Variants in ZMYM4 observed in about 807,000 individuals in gnomAD.
ZMYM4 encodes the protein zinc finger MYM-type protein 4.
In ZMYM4, 31 loss-of-function variants were observed where a neutral mutation model predicts 183.2. That is an observed-to-expected ratio of 0.17 (90% CI 0.13 to 0.23). The LOEUF (loss-of-function observed/expected upper bound fraction) is 0.23, where lower values mean the gene tolerates loss of function less well. ZMYM4 is among the 10% of genes least tolerant of loss of function. The pLI is 1.00. For missense variants in ZMYM4, 1,273 were observed against 1,840.3 expected (o/e 0.69, Z 5.64); for synonymous variants, 592 against 631.2 (o/e 0.94, Z 0.93).
chr1:35,380,704 G>A (rs1644437852), intron 7 of ZMYM4, among the ~76,000 whole-genome samples: 1 of 152,230 alleles, frequency 6.6e-6, no homozygotes, highest in South Asian at 2.1e-4. Context: ...GTGGGATTAG[G>A]GTTGGAGTGG....
At chr1:35,361,548 T>G in intron 4 of ZMYM4, 71 bp from the exon 5 acceptor site, 1 of 1,507,976 alleles carries the variant, frequency 6.6e-7, no homozygotes, top group Non-Finnish European at 9.0e-7. Context: ...GAGCTTTTCT[T>G]TGGGTGTTAA....
chr1:35,316,071 T>G (rs551262371), intron 1 of ZMYM4, among the ~76,000 whole-genome samples: 30 of 152,368 alleles, frequency 2.0e-4, no homozygotes, highest in Admixed American at 1.8e-3. Flanking sequence ...GTTTTTAGTT[T>G]ATGCCTAGCT....
At chr1:35,322,677 A>G (rs992725431) in intron 1 of ZMYM4, among the ~76,000 whole-genome samples, 2 of 152,064 alleles carry the variant, frequency 1.3e-5, no homozygotes, top group African/African-American at 4.8e-5. Flanking sequence ...GCATGTATAG[A>G]CAACTTTTTT....
chr1:35,315,581 A>C (rs1642008222), intron 1 of ZMYM4, among the ~76,000 whole-genome samples: 1 of 152,190 alleles, frequency 6.6e-6, no homozygotes, highest in African/African-American at 2.4e-5. Context: ...ACTTTACATA[A>C]ATTTTGAAAT....
At chr1:35,291,548 CAAGAACCAGCTTTTTCTTTCTTT>C (rs1438442236) in intron 1 of ZMYM4, among the ~76,000 whole-genome samples, 1 of 151,798 alleles carries the variant, frequency 6.6e-6, no homozygotes, top group Non-Finnish European at 1.5e-5. Context: ...GCTCTTCCTT[CAAGAACCAGCTTTTTCTTTCTTT>C]TCCCTTTTGT....
rs1643880738 is a variant in ZMYM4 at position 35,358,699 on chromosome 1, C to G, written c.86-226C>G. On this transcript the variant is annotated intron_variant, in intron 2 of 29. Coordinates refer to ENST00000314607, the MANE Select transcript of ZMYM4 (RefSeq NM_005095.3). ...TCTTTTCTCTATATCACGTAGCTTT[C>G]TTTTCTAACCTAAAGTAGTTTCTCA... is the stretch of plus-strand genomic sequence containing the variant. The G allele has an allele frequency of 1.6e-5, 7 of 440,378 alleles. No individual in the cohort carries two copies. The Admixed American group carries it at 2.4e-4, about 15-fold the overall frequency. 27.3% of individuals were successfully genotyped at this position (440,378 alleles called of 1,614,324 possible). A position where few individuals can be genotyped will look rare whatever the true frequency, so the allele number is the denominator to read the frequency against.
At chr1:35,386,934 G>A (rs774601260) in intron 11 of ZMYM4, 69 bp from the exon 12 acceptor site, 1 of 1,507,498 alleles carries the variant, frequency 6.6e-7, no homozygotes. Flanking sequence ...CTTGGCATAT[G>A]TAGGCACACA....
At chr1:35,315,911 G>T (rs961958896) in intron 1 of ZMYM4, among the ~76,000 whole-genome samples, 1 of 152,136 alleles carries the variant, frequency 6.6e-6, no homozygotes, top group Non-Finnish European at 1.5e-5. Context: ...GGGTGACAGA[G>T]TGAGTCCCTG....
intron 7 of ZMYM4, among the ~76,000 whole-genome samples, chr1:35,375,080 T>C (rs1290374166): frequency 6.6e-6 from 1 of 152,198 alleles, no homozygotes; most frequent in African/African-American, 2.4e-5. Context: ...TTTTTATTCG[T>C]TCACCCCTTT....
At position 35,347,150 on chromosome 1, in the gene ZMYM4, C is replaced by T. The variant is rs147984836; in HGVS notation, c.86-11775C>T. Among the ~76,000 whole-genome samples the T allele has an allele frequency of 2.5e-3, 375 of 152,210 alleles. 1 individual carries two copies. Among genetic ancestry groups the T allele is most frequent in the Non-Finnish European group, 4.4e-3 (297 of 68,008 alleles). On this transcript the variant is annotated intron_variant, in intron 2 of 29. Coordinates refer to ENST00000314607, the MANE Select transcript of ZMYM4 (RefSeq NM_005095.3). Reference sequence around the variant, plus strand: ...CCTCCTGAGTAGCTGGGATTACAGGCGCACGCCACCACACCTGGCTAATTA... The same window carrying T: ...CCTCCTGAGTAGCTGGGATTACAGGTGCACGCCACCACACCTGGCTAATTA...
Position 35,359,908 on chromosome 1 carries a change from A to T in ZMYM4, c.607+462A>T, listed in dbSNP as rs1375482963. 2.3e-5 allele frequency among the ~76,000 whole-genome samples: 3 copies of T among 128,848 alleles called. No homozygotes were observed. The Admixed American group carries it at 3.3e-4, about 14-fold the overall frequency. 84.5% of individuals were successfully genotyped at this position (128,848 alleles called of 152,430 possible). A position where few individuals can be genotyped will look rare whatever the true frequency, so the allele number is the denominator to read the frequency against. On this transcript the variant is annotated intron_variant, in intron 3 of 29. Transcript: ENST00000314607. ...TCTGAAAGGGAGTTTTTTTTTAATA[A>T]AAAAAACCCAAACATTTCTAATTTA...
intron 28 of ZMYM4, among the ~76,000 whole-genome samples, chr1:35,416,829 G>T (rs1046664317): frequency 6.6e-6 from 1 of 152,162 alleles, no homozygotes; most frequent in African/African-American, 2.4e-5. Context: ...CTCTCAAAGT[G>T]CTGGGATTAC....
At chr1:35,355,786 A>C in intron 2 of ZMYM4, among the ~76,000 whole-genome samples, 1 of 152,294 alleles carries the variant, frequency 6.6e-6, no homozygotes, top group South Asian at 2.1e-4. Context: ...TTACTAAAAT[A>C]ATTCTTCCGT....
intron 7 of ZMYM4, among the ~76,000 whole-genome samples, chr1:35,374,843 T>C (rs1354029874): frequency 2.0e-5 from 3 of 152,208 alleles, no homozygotes; most frequent in Admixed American, 6.5e-5. Flanking sequence ...ATCATGTTTC[T>C]TTGGCCTCCA....
chr1:35,363,577 A>C (rs1186280144), intron 5 of ZMYM4, among the ~76,000 whole-genome samples: 2 of 152,206 alleles, frequency 1.3e-5, no homozygotes, highest in African/African-American at 4.8e-5. Flanking sequence ...AGTTAGCATG[A>C]ATTCCATGAC....
Position 35,282,962 on chromosome 1 carries a change from T to C in ZMYM4, c.39+13877T>C, listed in dbSNP as rs146134443. ...TTTTCTGCATCCTCACCAATACTTG[T>C]TGTTTTCTGTGTGTGTGGTTTTTTT... On this transcript the variant is annotated intron_variant, in intron 1 of 29. Transcript: ENST00000314607. Among the ~76,000 whole-genome samples, 325 of 150,562 alleles carry C rather than the reference T, an allele frequency of 2.2e-3. 1 individual carries two copies. Among genetic ancestry groups the C allele is most frequent in the African/African-American group, 7.8e-3 (319 of 40,998 alleles).
intron 1 of ZMYM4, among the ~76,000 whole-genome samples, chr1:35,306,215 A>G (rs1033699072): frequency 2.0e-5 from 3 of 152,206 alleles, no homozygotes; most frequent in Admixed American, 6.5e-5. Context: ...TGTAAAGATT[A>G]CAGCATGCAT....
chr1:35,411,877 T>TTTTGTTTG (rs369876059), intron 26 of ZMYM4, among the ~76,000 whole-genome samples: 1 of 152,198 alleles, frequency 6.6e-6, no homozygotes, highest in Non-Finnish European at 1.5e-5. Flanking sequence ...AACATGGGAC[T>TTTTGTTTG]TTTGTTTGTT....
intron 1 of ZMYM4, among the ~76,000 whole-genome samples, chr1:35,274,228 T>G (rs530907304): frequency 5.4e-4 from 82 of 152,316 alleles, no homozygotes; most frequent in Non-Finnish European, 9.3e-4. Context: ...TAGAGACCAT[T>G]TGAAGAGGCC....
Sources: gnomAD v4.1 joint callset for allele counts (sites outside exome capture counted in the v4.1 genomes callset) on GRCh38, gnomAD v4.1.1 for gene constraint, MANE v1.5 for transcripts, NCBI Gene and HGNC (gene_info 2026-07-23, HGNC 2026-07-21) for gene names.